PPHLN1: variants seen among roughly 807,000 people sequenced by gnomAD.
PPHLN1 encodes the protein periphilin 1.
PPHLN1 carries 29 observed loss-of-function variants against 51.3 expected under a neutral mutation model. That is an observed-to-expected ratio of 0.57 (90% CI 0.42 to 0.77). The LOEUF is 0.77. Ranked by LOEUF, PPHLN1 falls within the 30% of genes least tolerant of loss-of-function variation. The pLI, the probability that PPHLN1 is intolerant of heterozygous loss-of-function variation, is 0.00. For missense variants in PPHLN1, 436 were observed against 438.4 expected (o/e 0.99, Z 0.05); for synonymous variants, 147 against 147.8 (o/e 0.99, Z 0.04).
At chr12:42,339,926 A>G (rs898390314) in intron 2 of PPHLN1, among the ~76,000 whole-genome samples, 1 of 152,232 alleles carries the variant, frequency 6.6e-6, no homozygotes, top group Non-Finnish European at 1.5e-5. Context: ...CATCTCATTT[A>G]ATGGACCCAC....
intron 7 of PPHLN1, among the ~76,000 whole-genome samples, chr12:42,389,396 CA>C (rs201952965): frequency 1.6e-4 from 17 of 104,142 alleles, no homozygotes; most frequent in East Asian, 1.2e-3. Flanking sequence ...AATAAACAAA[CA>C]AAAAAAAAAA....
At chr12:42,347,481 T>C (rs1242416913) in intron 2 of PPHLN1, among the ~76,000 whole-genome samples, 2 of 152,180 alleles carry the variant, frequency 1.3e-5, no homozygotes, top group East Asian at 3.8e-4. Flanking sequence ...ATTTCAACAA[T>C]ATAATCTTTT....
intron 9 of PPHLN1, among the ~76,000 whole-genome samples, chr12:42,417,617 G>T (rs968285722): frequency 6.6e-6 from 1 of 151,910 alleles, no homozygotes; most frequent in African/African-American, 2.4e-5. Context: ...AGGCAAACCG[G>T]ATTATTTATC....
intron 9 of PPHLN1, among the ~76,000 whole-genome samples, chr12:42,435,854 A>C (rs2082434404): frequency 6.6e-6 from 1 of 152,172 alleles, no homozygotes; most frequent in Admixed American, 6.5e-5. Context: ...TTTACTCCTC[A>C]GTCCTCCATG....
chr12:42,367,119 A>G (rs2075346868), intron 4 of PPHLN1, among the ~76,000 whole-genome samples: 1 of 152,196 alleles, frequency 6.6e-6, no homozygotes, highest in Non-Finnish European at 1.5e-5. Context: ...TCAAATGTCA[A>G]CCATGAGAGT....
chr12:42,432,490 C>T (rs374551430), intron 9 of PPHLN1, among the ~76,000 whole-genome samples: 30 of 152,292 alleles, frequency 2.0e-4, no homozygotes, highest in African/African-American at 6.7e-4. Context: ...CAATTCTCAC[C>T]GGAACCATAT....
chr12:42,407,184 G>A (rs2079389256), intron 9 of PPHLN1, among the ~76,000 whole-genome samples: 1 of 152,092 alleles, frequency 6.6e-6, no homozygotes, highest in Middle Eastern at 3.2e-3. Flanking sequence ...TTTGAATTTT[G>A]TAGAAATTTT....
intron 8 of PPHLN1, 100 bp from the exon 9 acceptor site, chr12:42,398,754 A>C: frequency 1.0e-6 from 1 of 983,838 alleles, no homozygotes; most frequent in Non-Finnish European, 1.5e-6. Flanking sequence ...TGTTAAATCT[A>C]GCACTTAATA....
intron 9 of PPHLN1, among the ~76,000 whole-genome samples, chr12:42,418,029 T>A (rs1371509877): frequency 4.5e-4 from 61 of 135,304 alleles, no homozygotes; most frequent in African/African-American, 1.6e-3. Context: ...AAGCTCCGCC[T>A]CCTGGGTTCA....
chr12:42,333,649 AT>A (rs1470177474), intron 1 of PPHLN1, among the ~76,000 whole-genome samples: 1 of 151,714 alleles, frequency 6.6e-6, no homozygotes, highest in Admixed American at 6.6e-5. Context: ...CGCCCAGCTA[AT>A]TTTTTGTATT....
downstream of PPHLN1, chr12:42,445,005 A>G (rs185226064): frequency 1.4e-3 from 990 of 700,386 alleles, 2 homozygotes; most frequent in Non-Finnish European, 2.0e-3. Context: ...TCAGCCCATC[A>G]ATATTGTTAG....
chr12:42,364,203 A>C (rs899980905), intron 4 of PPHLN1, among the ~76,000 whole-genome samples: 1 of 152,194 alleles, frequency 6.6e-6, no homozygotes, highest in African/African-American at 2.4e-5. Flanking sequence ...CAGCTTGGGC[A>C]ACAAGAGCAA....
At chr12:42,411,189 ATC>A (rs1383039635) in intron 9 of PPHLN1, among the ~76,000 whole-genome samples, 1 of 151,956 alleles carries the variant, frequency 6.6e-6, no homozygotes, top group East Asian at 1.9e-4. Context: ...GTGAAAGACT[ATC>A]TCTAAGTCTT....
chr12:42,374,719 G>A (rs2076102997), intron 4 of PPHLN1, 144 bp from the exon 5 acceptor site: 5 of 620,158 alleles, frequency 8.1e-6, no homozygotes, highest in Admixed American at 3.2e-5. Context: ...CTCCCAAAGT[G>A]CTGGGATTAC....
intron 9 of PPHLN1, among the ~76,000 whole-genome samples, chr12:42,406,086 G>GTTTTTTTTTT (rs56927510): frequency 6.7e-5 from 9 of 135,236 alleles, no homozygotes; most frequent in Non-Finnish European, 9.5e-5. Flanking sequence ...GTTTAGTCTG[G>GTTTTTTTTTT]TTTTTTTTTT....
At chr12:42,447,866 T>A (rs941937867), downstream of PPHLN1, 26 of 152,228 alleles carry the variant, frequency 1.7e-4, no homozygotes, top group African/African-American at 6.3e-4. Flanking sequence ...AATTTTTTTT[T>A]AATTTCCTAA....
intron 5 of PPHLN1, among the ~76,000 whole-genome samples, chr12:42,383,629 A>G (rs2076938400): frequency 6.6e-6 from 1 of 152,184 alleles, no homozygotes; most frequent in African/African-American, 2.4e-5. Context: ...TCAAGAATAA[A>G]GTTAGTAGTG....
chr12:42,381,599 T>C lies in PPHLN1; in HGVS notation c.512-3341T>C, dbSNP rs1019606054. 2.0e-5 allele frequency among the ~76,000 whole-genome samples: 3 copies of C among 152,174 alleles called. No individual in the cohort carries two copies. In the East Asian group the frequency reaches 5.8e-4, roughly 29 times the overall value. ...AATGCTTTCTCTGCCCCTCTACCTG[T>C]TTCTTTTCTCTCATTTTTTGGTGTC... On this transcript the variant is annotated intron_variant, in intron 5 of 9. Coordinates refer to ENST00000358314, the MANE Select transcript of PPHLN1 (RefSeq NM_201439.2).
chr12:42,397,058 CAGT>C (rs1433489007), intron 8 of PPHLN1, among the ~76,000 whole-genome samples: 1 of 148,778 alleles, frequency 6.7e-6, no homozygotes, highest in African/African-American at 2.5e-5. Flanking sequence ...AAAAAAGTCT[CAGT>C]AGAACAGGTC....
Sources: allele counts gnomAD v4.1 joint callset (sites outside exome capture counted in the v4.1 genomes callset), GRCh38; gene constraint gnomAD v4.1.1; transcripts MANE v1.5; gene names NCBI Gene and HGNC (gene_info 2026-07-23, HGNC 2026-07-21).